The following MPP4 variants were observed in gnomAD, a reference collection of about 807,000 sequenced individuals.
MPP4 encodes the protein MAGUK p55 scaffold protein 4.
In MPP4, 91 loss-of-function variants were observed where a neutral mutation model predicts 98.3. That is an observed-to-expected ratio of 0.93 (90% confidence interval 0.78 to 1.10). The LOEUF (loss-of-function observed/expected upper bound fraction) is 1.10, where lower values mean the gene tolerates loss of function less well. Ranked by LOEUF, MPP4 falls within the 50% of genes least tolerant of loss-of-function variation. The pLI is 0.00. For synonymous variants in MPP4, 261 were observed against 271.8 expected, an observed-to-expected ratio of 0.96 and a Z score of 0.39; for missense variants, 744 against 792.9, an observed-to-expected ratio of 0.94 and a Z score of 0.74.
At chr2:201,688,144 C>A (rs1346606514) in intron 4 of MPP4, among the ~76,000 whole-genome samples, 1 of 152,212 alleles carries the variant, frequency 6.6e-6, no homozygotes, top group Non-Finnish European at 1.5e-5. Flanking sequence ...GAAGTTTTTT[C>A]TTTCTTTTTT....
rs1022037277 is a variant in MPP4, at chr2:201,651,070, A to C, written c.1382-905T>G. On this transcript the variant is annotated intron_variant, in intron 18 of 21. Coordinates refer to ENST00000409474, the MANE Select transcript of MPP4 (RefSeq NM_033066.3). Reference sequence around the variant, plus strand: ...ACAGTTTCAACTCTGCATCCTATATACTGTAAAGCTAGTCCCTTAATCTAT... The same window carrying C: ...ACAGTTTCAACTCTGCATCCTATATCCTGTAAAGCTAGTCCCTTAATCTAT... 9.1e-6 allele frequency: 9 copies of C among 985,312 alleles called. No individual in the cohort carries two copies. In the Admixed American group the frequency reaches 1.8e-4, roughly 20 times the overall value. The allele number at this position is 985,312 out of a possible 1,614,324, so 61.0% of individuals were successfully genotyped here. A position where few individuals can be genotyped will look rare whatever the true frequency, so the allele number is the denominator to read the frequency against.
At chr2:201,669,836 AAATGT>A in intron 11 of MPP4, 86 bp from the exon 12 acceptor site, 2 of 1,084,176 alleles carry the variant, frequency 1.8e-6, no homozygotes, top group Non-Finnish European at 2.4e-6. Context: ...TTACAATAAG[AAATGT>A]AATGTGCAAA....
intron 14 of MPP4, chr2:201,661,992 C>A: frequency 3.0e-6 from 1 of 329,072 alleles, no homozygotes; most frequent in Non-Finnish European, 5.9e-6. Flanking sequence ...TCTAACAGGC[C>A]AACCATCTAA....
chr2:201,671,056 G>A (rs112208494), intron 11 of MPP4, among the ~76,000 whole-genome samples: 25,747 of 152,120 alleles, frequency 0.17, 2,406 homozygotes, highest in African/African-American at 0.24. Context: ...CATGTTCTTC[G>A]CAACCCACAG....
At chr2:201,657,601 G>GTTTTTTT (rs1393900511) in intron 16 of MPP4, among the ~76,000 whole-genome samples, 14 of 105,024 alleles carry the variant, frequency 1.3e-4, no homozygotes, top group African/African-American at 2.7e-4. Flanking sequence ...TTTTTTTTTT[G>GTTTTTTT]TTTTTTTGTT....
At chr2:201,671,607 T>G (rs1688345046) in intron 11 of MPP4, among the ~76,000 whole-genome samples, 1 of 152,022 alleles carries the variant, frequency 6.6e-6, no homozygotes, top group South Asian at 2.1e-4. Context: ...AATCCTAGTC[T>G]CTAATAAAAC....
chr2:201,657,667 A>G (rs1441709922), intron 16 of MPP4, among the ~76,000 whole-genome samples: 1 of 144,792 alleles, frequency 6.9e-6, no homozygotes, highest in Non-Finnish European at 1.5e-5. Flanking sequence ...TAGGGGACAG[A>G]CAGTGTTGAT....
Position 201,660,344 on chromosome 2 carries a change from C to T in MPP4, c.1075G>A (p.Glu359Lys), listed in dbSNP as rs771121670. 1.5e-5 allele frequency: 25 copies of T among 1,612,990 alleles called. No homozygotes were observed. Among genetic ancestry groups the T allele is most frequent in the Non-Finnish European group, 2.0e-5 (24 of 1,179,186 alleles). Residue 359 changes from glutamate (E) to lysine (K), a missense_variant and splice_region_variant, in exon 15 of 22, where the codon GAA (glutamate) becomes AAA (lysine). By Grantham distance (56) the Glu-to-Lys change is moderately conservative. Coordinates refer to ENST00000409474, the MANE Select transcript of MPP4 (RefSeq NM_033066.3). Reference protein sequence around the residue: ...EADEETFESEELSEDKEEFVG... With the variant: ...EADEETFESEKLSEDKEEFVG... ...TAAAAACAATTACCTTCTGAAAGTT[C>T]CTCTGGATATTTGGGTAAGTGCAGA...
intron 10 of MPP4, among the ~76,000 whole-genome samples, chr2:201,678,668 G>C (rs565504270): frequency 6.6e-6 from 1 of 152,074 alleles, no homozygotes. Flanking sequence ...GAGATGGCTC[G>C]CGTCACATGG....
intron 12 of MPP4, among the ~76,000 whole-genome samples, chr2:201,669,239 A>G (rs1482001263): frequency 6.6e-6 from 1 of 152,126 alleles, no homozygotes; most frequent in Admixed American, 6.6e-5. Context: ...CCTTTTAGAC[A>G]GAGGGAATCT....
At chr2:201,647,587 AG>A in intron 21 of MPP4, 103 bp downstream of exon 21, 2 of 1,262,226 alleles carry the variant, frequency 1.6e-6, no homozygotes, top group Non-Finnish European at 2.2e-6. Flanking sequence ...GTCAAAAAGG[AG>A]GAGGAGGACA....
Position 201,692,943 on chromosome 2 carries a change from G to T in MPP4, c.166C>A (p.Leu56Ile). ...DVNGVCLLYD[L>I]LHSPWLQALL... is the part of the protein sequence containing the mutation. ...GCCTGAAGCCACGGCGAGTGGAGGA[G>T]ATCGTACAAGAGACACACTCCATTC... The change falls in exon 3 of 22, where the codon CTC becomes ATC. Residue 56 changes from leucine (L) to isoleucine (I), a missense_variant. Coordinates refer to ENST00000409474, the MANE Select transcript of MPP4 (RefSeq NM_033066.3). The T allele has an allele frequency of 6.2e-7, 1 of 1,611,684 alleles. No homozygotes were observed. The highest frequency in any genetic ancestry group is 1.7e-5 in the Admixed American group (1 of 59,700).
chr2:201,649,805 G>T (rs754184194), intron 19 of MPP4, 121 bp from the exon 20 acceptor site: 2 of 722,010 alleles, frequency 2.8e-6, no homozygotes, highest in Non-Finnish European at 4.7e-6. Context: ...AACACAGAAA[G>T]AATGAATAGA....
intron 11 of MPP4, among the ~76,000 whole-genome samples, chr2:201,671,685 C>T (rs1427069867): frequency 6.6e-6 from 1 of 152,110 alleles, no homozygotes; most frequent in African/African-American, 2.4e-5. Context: ...GGGATCAACA[C>T]AACAAGAAGA....
chr2:201,687,821 G>A (rs1688883510), intron 4 of MPP4, among the ~76,000 whole-genome samples: 1 of 152,208 alleles, frequency 6.6e-6, no homozygotes, highest in South Asian at 2.1e-4. Context: ...TCTTCAAATA[G>A]AAAATGGAAA....
chr2:201,675,379 C>G, intron 10 of MPP4, 108 bp from the exon 11 acceptor site: 2 of 1,109,970 alleles, frequency 1.8e-6, no homozygotes, highest in Non-Finnish European at 2.6e-6. Context: ...TCTTAGAATT[C>G]TGCTGCCTTC....
At chr2:201,690,381 C>T in intron 3 of MPP4, 102 bp from the exon 4 acceptor site, 1 of 718,174 alleles carries the variant, frequency 1.4e-6, no homozygotes, top group Non-Finnish European at 2.4e-6. Flanking sequence ...GCAACTGCAC[C>T]AATGGCTGCA....
At chr2:201,677,927 C>T (rs765566563) in intron 10 of MPP4, among the ~76,000 whole-genome samples, 19 of 152,254 alleles carry the variant, frequency 1.2e-4, no homozygotes, top group East Asian at 7.7e-4. Flanking sequence ...GATATGGCAG[C>T]GGATTTAGTC....
intron 11 of MPP4, among the ~76,000 whole-genome samples, chr2:201,670,274 A>T (rs1430144620): frequency 6.6e-6 from 1 of 152,100 alleles, no homozygotes; most frequent in Non-Finnish European, 1.5e-5. Flanking sequence ...CCTGCCCCTA[A>T]TTTTTTTGGG....
Sources: gnomAD v4.1 joint callset for allele counts (sites outside exome capture counted in the v4.1 genomes callset) on GRCh38, gnomAD v4.1.1 for gene constraint, MANE v1.5 for transcripts, NCBI Gene and HGNC (gene_info 2026-07-23, HGNC 2026-07-21) for gene names.